Variants in RUNX1 observed in about 807,000 individuals in gnomAD.
The protein encoded by RUNX1 is RUNX family transcription factor 1, also known as runt-related transcription factor 1.
Under a neutral mutation model 42.8 loss-of-function variants are expected in RUNX1, and 19 were observed. The ratio of observed to expected loss-of-function variants is 0.44; its 90% CI spans 0.31 to 0.65. The LOEUF is 0.65. Ranked by LOEUF, RUNX1 falls within the 30% of genes least tolerant of loss-of-function variation. RUNX1 has a pLI of 0.07. For missense variants in RUNX1, 528 were observed against 672.0 expected (o/e 0.79, Z 2.37); for synonymous variants, 271 against 289.4 (o/e 0.94, Z 0.64).
chr21:34,875,600 T>C (rs2057802501), intron 5 of RUNX1, among the ~76,000 whole-genome samples: 2 of 152,208 alleles, frequency 1.3e-5, no homozygotes, highest in African/African-American at 4.8e-5. Flanking sequence ...CCATGAACAT[T>C]ACCCGTGAAA....
rs1432711212 is a variant in RUNX1 at position 34,993,704 on chromosome 21, C to T, written c.58+55138G>A. Among the ~76,000 whole-genome samples, 295 of 139,240 alleles carry T rather than the reference C, an allele frequency of 2.1e-3. 19 individuals are homozygous for T. Among genetic ancestry groups the T allele is most frequent in the African/African-American group, 9.1e-3 (283 of 31,118 alleles). The allele number at this position is 139,240 out of a possible 152,430, so 91.3% of individuals were successfully genotyped here. On this transcript the variant is annotated intron_variant, in intron 2 of 8. Coordinates refer to ENST00000675419, the MANE Select transcript of RUNX1 (RefSeq NM_001754.5). ...AGACACACACACAGGCGCACACACA[C>T]ACAGACACACACAGGCACACACACA...
intron 2 of RUNX1, among the ~76,000 whole-genome samples, chr21:35,023,930 AATT>A (rs1156821957): frequency 3.3e-5 from 5 of 149,788 alleles, no homozygotes; most frequent in East Asian, 3.9e-4. Context: ...GTGTGTATTA[AATT>A]ATTATATATT....
chr21:34,966,107 C>T (rs1185755592), intron 2 of RUNX1, among the ~76,000 whole-genome samples: 1 of 152,170 alleles, frequency 6.6e-6, no homozygotes, highest in Non-Finnish European at 1.5e-5. Flanking sequence ...ACTTCATCTG[C>T]ACACTTCTAT....
chr21:34,856,574 C>G (rs915861956), intron 6 of RUNX1: 2 of 402,406 alleles, frequency 5.0e-6, no homozygotes, highest in East Asian at 1.2e-4. Context: ...ATTCTGTTAA[C>G]GCTTCATCAT....
chr21:34,817,651 T>C (rs2056846252), intron 7 of RUNX1, among the ~76,000 whole-genome samples: 1 of 152,118 alleles, frequency 6.6e-6, no homozygotes, highest in Non-Finnish European at 1.5e-5. Flanking sequence ...TGTGAGATTT[T>C]CTTAGCTCTT....
At chr21:34,981,176 C>G (rs1212950052) in intron 2 of RUNX1, among the ~76,000 whole-genome samples, 1 of 152,170 alleles carries the variant, frequency 6.6e-6, no homozygotes, top group Non-Finnish European at 1.5e-5. Flanking sequence ...AATAGCATTG[C>G]TTGTGGAGTT....
chr21:34,801,240 T>A (rs1023676328), intron 7 of RUNX1, among the ~76,000 whole-genome samples: 1 of 152,098 alleles, frequency 6.6e-6, no homozygotes, highest in African/African-American at 2.4e-5. Context: ...GTTTCAGAAC[T>A]GTCATAAAGC....
At chr21:34,917,650 C>CTATCTTCCATA (rs1286639203) in intron 2 of RUNX1, among the ~76,000 whole-genome samples, 79 of 152,264 alleles carry the variant, frequency 5.2e-4, no homozygotes, top group Middle Eastern at 3.4e-3. Flanking sequence ...GAAAGGTGGT[C>CTATCTTCCATA]AGACACATAA....
intron 7 of RUNX1, among the ~76,000 whole-genome samples, chr21:34,809,649 G>A (rs1034908104): frequency 2.0e-5 from 3 of 152,158 alleles, no homozygotes; most frequent in Non-Finnish European, 2.9e-5. Flanking sequence ...ATGGAAGGCC[G>A]TGCTTTACAG....
chr21:34,845,924 T>C (rs1002858183), intron 6 of RUNX1, among the ~76,000 whole-genome samples: 12 of 152,154 alleles, frequency 7.9e-5, no homozygotes, highest in African/African-American at 2.7e-4. Context: ...TAACTTTCAA[T>C]AGGGAAGTGG....
At chr21:34,982,923 CTT>C (rs2146797199) in intron 2 of RUNX1, among the ~76,000 whole-genome samples, 1 of 152,320 alleles carries the variant, frequency 6.6e-6, no homozygotes, top group African/African-American at 2.4e-5. Context: ...CTTTCAAGGT[CTT>C]ATAACCGTTA....
chr21:34,955,725 T>C (rs891944368), intron 2 of RUNX1, among the ~76,000 whole-genome samples: 3 of 152,194 alleles, frequency 2.0e-5, no homozygotes, highest in African/African-American at 7.2e-5. Context: ...AATGAGCATA[T>C]AAAATTGTGG....
chr21:34,920,176 T>G (rs2058343184), intron 2 of RUNX1, among the ~76,000 whole-genome samples: 1 of 149,092 alleles, frequency 6.7e-6, no homozygotes, highest in African/African-American at 2.6e-5. Context: ...TCCCAATTAT[T>G]TTTTTCCCAA....
At chr21:35,044,679 CTT>C (rs2059383734) in intron 2 of RUNX1, among the ~76,000 whole-genome samples, 1 of 152,210 alleles carries the variant, frequency 6.6e-6, no homozygotes, top group Non-Finnish European at 1.5e-5. Flanking sequence ...CCTCCAGACT[CTT>C]CTCTCTAGGC....
chr21:34,994,673 G>A (rs1569142546), intron 2 of RUNX1, among the ~76,000 whole-genome samples: 2 of 151,934 alleles, frequency 1.3e-5, no homozygotes, highest in African/African-American at 4.8e-5. Context: ...CGTAAAAATT[G>A]AAAATTAAAA....
chr21:34,918,631 C>T (rs780324270), intron 2 of RUNX1, among the ~76,000 whole-genome samples: 2 of 152,122 alleles, frequency 1.3e-5, no homozygotes, highest in African/African-American at 2.4e-5. Context: ...TACATGAGGC[C>T]GGGCGTGGTG....
chr21:35,038,228 C>T (rs2059324377), intron 2 of RUNX1, among the ~76,000 whole-genome samples: 1 of 152,056 alleles, frequency 6.6e-6, no homozygotes, highest in South Asian at 2.1e-4. Flanking sequence ...CAGGGAGAAA[C>T]CAATACCTCG....
At chr21:34,906,781 C>T (rs2058223687) in intron 2 of RUNX1, among the ~76,000 whole-genome samples, 1 of 152,120 alleles carries the variant, frequency 6.6e-6, no homozygotes, top group Non-Finnish European at 1.5e-5. Flanking sequence ...GCAAACAGGC[C>T]CACTCTGGAT....
intron 2 of RUNX1, among the ~76,000 whole-genome samples, chr21:34,919,843 T>C (rs770637767): frequency 2.0e-5 from 3 of 152,218 alleles, no homozygotes; most frequent in Non-Finnish European, 4.4e-5. Context: ...GTGAATCAAA[T>C]TGTGAAAGGA....
Sources: gnomAD v4.1 joint callset for allele counts (sites outside exome capture counted in the v4.1 genomes callset) on GRCh38, gnomAD v4.1.1 for gene constraint, MANE v1.5 for transcripts, NCBI Gene and HGNC (gene_info 2026-07-23, HGNC 2026-07-21) for gene names.